TMEM236: variants seen among roughly 807,000 people sequenced by gnomAD.
TMEM236 encodes the protein family with sequence similarity 23, member A.
TMEM236 carries 11 observed loss-of-function variants against 14.7 expected under a neutral mutation model. The ratio of observed to expected loss-of-function variants is 0.75; its 90% confidence interval spans 0.47 to 1.24. TMEM236 has a LOEUF of 1.24. TMEM236 is among the 50% of genes most tolerant of loss of function. The pLI is 0.00. For synonymous variants in TMEM236, 182 were observed against 168.6 expected (o/e 1.08, Z -0.62); for missense variants, 464 against 427.3 (o/e 1.09, Z -0.76).
At chr10:17,760,124 GA>G (rs1837338688) in intron 1 of TMEM236, among the ~76,000 whole-genome samples, 2 of 151,878 alleles carry the variant, frequency 1.3e-5, no homozygotes, top group Admixed American at 1.3e-4. Flanking sequence ...TAACCTGAAG[GA>G]AATGGAACTC....
intron 1 of TMEM236, among the ~76,000 whole-genome samples, chr10:17,757,315 G>A (rs1355674834): frequency 6.6e-6 from 1 of 152,124 alleles, no homozygotes; most frequent in Non-Finnish European, 1.5e-5. Flanking sequence ...CTAGCAAGTG[G>A]AGCCAGGCAT....
rs1322042090 is a variant in TMEM236 at position 17,772,438 on chromosome 10, C to T, written c.330+1057C>T. Among the ~76,000 whole-genome samples, 3 of 152,148 alleles carry T rather than the reference C, an allele frequency of 2.0e-5. No individual in the cohort carries two copies. The East Asian group carries it at 5.8e-4, about 29-fold the overall frequency. ...TTCCCCTCTCAAAGACCTTGTAAAT[C>T]ATTTGGAAGGTTCTCAAAAGCTGTA... On this transcript the variant is annotated intron_variant, in intron 2 of 3. Transcript: ENST00000377495.
intron 3 of TMEM236, among the ~76,000 whole-genome samples, chr10:17,781,093 C>T (rs1338268611): frequency 1.3e-5 from 2 of 152,166 alleles, no homozygotes; most frequent in East Asian, 3.9e-4. Context: ...CCATTTTGAC[C>T]ATGCCTAGTC....
chr10:17,782,077 C>T (rs909713089), intron 3 of TMEM236, among the ~76,000 whole-genome samples: 13 of 152,008 alleles, frequency 8.6e-5, no homozygotes, highest in African/African-American at 2.9e-4. Context: ...AAGTGAGCCC[C>T]CATCTAAGGT....
At chr10:17,762,999 T>G (rs1342717021) in intron 1 of TMEM236, among the ~76,000 whole-genome samples, 1 of 152,206 alleles carries the variant, frequency 6.6e-6, no homozygotes, top group Admixed American at 6.5e-5. Flanking sequence ...TCCAGGCTAC[T>G]GCAGGTACAA....
rs1838076928 is a variant in TMEM236 at position 17,800,388 on chromosome 10, TA to T, written c.*3885del. ...AAAATTTTATTGATGCTGTAATTTTTATAAAATTTTATTTATTTTATAATTT... is the reference window on the plus strand; with the variant it reads ...AAAATTTTATTGATGCTGTAATTTTTTAAAATTTTATTTATTTTATAATTT... On this transcript the variant is annotated 3_prime_UTR_variant, in exon 4 of 4. Transcript: ENST00000377495. 6.6e-6 allele frequency: 1 copy of T among 152,016 alleles called. No individual in the cohort carries two copies. The highest frequency in any genetic ancestry group is 1.5e-5 in the Non-Finnish European group (1 of 67,994). 9.4% of individuals were successfully genotyped at this position (152,016 alleles called of 1,614,324 possible).
intron 3 of TMEM236, among the ~76,000 whole-genome samples, chr10:17,781,349 C>G (rs1837744495): frequency 6.6e-6 from 1 of 152,186 alleles, no homozygotes; most frequent in African/African-American, 2.4e-5. Context: ...AATCAACAAA[C>G]CTGGTGCTGG....
At chr10:17,757,179 C>G (rs1281511835) in intron 1 of TMEM236, among the ~76,000 whole-genome samples, 1 of 152,000 alleles carries the variant, frequency 6.6e-6, no homozygotes, top group Non-Finnish European at 1.5e-5. Flanking sequence ...GTTCTAGGAG[C>G]TTTACACCTT....
chr10:17,790,531 T>C (rs1378635128), intron 3 of TMEM236, among the ~76,000 whole-genome samples: 2 of 152,178 alleles, frequency 1.3e-5, no homozygotes, highest in Non-Finnish European at 2.9e-5. Flanking sequence ...AGTGAGACCA[T>C]GTCTCTAAAG....
chr10:17,756,717 C>T (rs1348262554), intron 1 of TMEM236, among the ~76,000 whole-genome samples: 4 of 152,204 alleles, frequency 2.6e-5, no homozygotes, highest in Admixed American at 6.5e-5. Flanking sequence ...GACTTTGGAC[C>T]TAGGTCTACC....
intron 1 of TMEM236, among the ~76,000 whole-genome samples, chr10:17,754,008 AT>A (rs1837246914): frequency 6.6e-6 from 1 of 152,132 alleles, no homozygotes; most frequent in African/African-American, 2.4e-5. Context: ...ATCTTCCTTA[AT>A]TTTTCTACAG....
At chr10:17,779,267 G>A (rs1031685166) in intron 3 of TMEM236, among the ~76,000 whole-genome samples, 1 of 152,016 alleles carries the variant, frequency 6.6e-6, no homozygotes, top group Non-Finnish European at 1.5e-5. Context: ...TCCAGGCCCA[G>A]CTCCCTGGCA....
intron 3 of TMEM236, among the ~76,000 whole-genome samples, chr10:17,782,288 A>G (rs1382221881): frequency 8.5e-5 from 13 of 152,212 alleles, no homozygotes; most frequent in Admixed American, 8.5e-4. Context: ...TAAAATAGAG[A>G]TAAACAAAAA....
At chr10:17,769,174 C>A (rs1837527888) in intron 1 of TMEM236, among the ~76,000 whole-genome samples, 1 of 152,156 alleles carries the variant, frequency 6.6e-6, no homozygotes, top group South Asian at 2.1e-4. Flanking sequence ...AATAGAACCA[C>A]CAACAGGAAA....
rs1838013137 is a variant in TMEM236, at chr10:17,796,248, A to G, written c.800A>G (p.Tyr267Cys). 1.2e-6 allele frequency: 2 copies of G among 1,613,916 alleles called. No homozygotes were observed. Among genetic ancestry groups the G allele is most frequent in the African/African-American group, 2.7e-5 (2 of 75,028 alleles). Residue 267 changes from tyrosine (Y) to cysteine (C), a missense_variant, in exon 4 of 4, where the codon TAC (tyrosine) becomes TGC (cysteine). Coordinates refer to ENST00000377495, the MANE Select transcript of TMEM236 (RefSeq NM_001098844.3). The stretch of plus-strand genomic sequence containing the variant: ...AACGTGTACAAGTCAAGCTGGCTAT[A>G]CCCAGTCTACATATTCAGTTTTATT... Reference protein sequence around the residue: ...HPNVYKSSWLYPVYIFSFISL... With the variant: ...HPNVYKSSWLCPVYIFSFISL...
chr10:17,771,051 C>T (rs561127062), intron 1 of TMEM236, among the ~76,000 whole-genome samples: 2,171 of 152,204 alleles, frequency 0.014, 76 homozygotes, highest in African/African-American at 0.049. Context: ...ATTTGACTTG[C>T]GATTTGATGC....
In TMEM236 at chr10:17,785,182, T is replaced by C. The variant is rs992530236; in HGVS notation, c.472+9012T>C. On this transcript the variant is annotated intron_variant, in intron 3 of 3. Coordinates refer to ENST00000377495, the MANE Select transcript of TMEM236 (RefSeq NM_001098844.3). ...TTATGGAAAGTCTAAGCTATTGCCA[T>C]TGAATCGGGGGCCACTGGTTATCAC... Among the ~76,000 whole-genome samples the C allele has an allele frequency of 2.0e-3, 300 of 152,306 alleles. 10 individuals are homozygous for C. The East Asian group carries it at 0.046, about 23-fold the overall frequency.
In TMEM236 at chr10:17,793,723, T is replaced by C. The variant is rs1051993167; in HGVS notation, c.473-2198T>C. Among the ~76,000 whole-genome samples, 53 of 152,316 alleles carry C rather than the reference T, an allele frequency of 3.5e-4. 1 individual carries two copies. In the East Asian group the frequency reaches 9.8e-3, roughly 28 times the overall value. On this transcript the variant is annotated intron_variant, in intron 3 of 3. Transcript: ENST00000377495. ...GTCTCGAACTTCTGAACTCAGGTGA[T>C]CCATCTGCCTCAGCCTCCCAAACTG...
rs920420816 is a variant in TMEM236, at chr10:17,779,176, C to T, written c.472+3006C>T. On this transcript the variant is annotated intron_variant, in intron 3 of 3. Coordinates refer to ENST00000377495, the MANE Select transcript of TMEM236 (RefSeq NM_001098844.3). Reference sequence around the variant, plus strand: ...TTGCTAACTGAATCCCATGTATTAACGCTCATTTAGCATTGCAACCATACC... The same window carrying T: ...TTGCTAACTGAATCCCATGTATTAATGCTCATTTAGCATTGCAACCATACC... Among the ~76,000 whole-genome samples, 13 of 152,262 alleles carry T rather than the reference C, an allele frequency of 8.5e-5. No individual in the cohort carries two copies. The East Asian group carries it at 1.4e-3, about 16-fold the overall frequency.
Sources: gnomAD v4.1 joint callset for allele counts (sites outside exome capture counted in the v4.1 genomes callset) on GRCh38, gnomAD v4.1.1 for gene constraint, MANE v1.5 for transcripts, NCBI Gene and HGNC (gene_info 2026-07-23, HGNC 2026-07-21) for gene names.